The following DGKD variants were observed in gnomAD, a reference collection of about 807,000 sequenced individuals.
DGKD encodes the protein DAG kinase delta.
In DGKD, 68 loss-of-function variants were observed where a neutral mutation model predicts 154.4. The ratio of observed to expected loss-of-function variants is 0.44; its 90% CI spans 0.36 to 0.54. DGKD has a LOEUF of 0.54. Ranked by LOEUF, DGKD falls within the 20% of genes least tolerant of loss-of-function variation. DGKD has a pLI of 0.00. For synonymous variants in DGKD, 693 were observed against 638.0 expected, an observed-to-expected ratio of 1.09 and a Z score of -1.30; for missense variants, 1,343 against 1,593.6, an observed-to-expected ratio of 0.84 and a Z score of 2.68.
Position 233,445,815 on chromosome 2 carries a change from C to T in DGKD, c.1334+53C>T. On this transcript the variant is annotated intron_variant, in intron 11 of 29. Transcript: ENST00000264057. This position sits in a 1 kb window ranked among gnomAD's most constrained non-coding sequence, Gnocchi z 5.5. ...ATGAGGAGACTTTGAGAGACAGGTC[C>T]CTTTGACCAGGTGTTCTTAACCTGG... The T allele has an allele frequency of 6.6e-7, 1 of 1,525,168 alleles. No homozygotes were observed. The highest frequency in any genetic ancestry group is 8.8e-7 in the Non-Finnish European group (1 of 1,133,050). 94.5% of individuals were successfully genotyped at this position (1,525,168 alleles called of 1,614,324 possible).
At chr2:233,370,587 T>TTTTTTGTTG (rs1277101505) in intron 1 of DGKD, among the ~76,000 whole-genome samples, 1 of 150,868 alleles carries the variant, frequency 6.6e-6, no homozygotes, top group African/African-American at 2.4e-5. Context: ...TTTTTTTTTT[T>TTTTTTGTTG]TTGTTTGAGT....
Position 233,449,031 on chromosome 2 carries a change from G to T in DGKD, c.1615-72G>T, listed in dbSNP as rs556568874. ...AGTTCTAGGAAGTCTGGGTGAAATG[G>T]CCTGAGGTTCCCTGCCTGCAGACCC... On this transcript the variant is annotated intron_variant, in intron 14 of 29. Transcript: ENST00000264057. This position sits in a 1 kb window ranked among gnomAD's most constrained non-coding sequence, Gnocchi z 5.3. The T allele has an allele frequency of 3.3e-6, 5 of 1,501,028 alleles. No homozygotes were observed. The highest frequency in any genetic ancestry group is 3.6e-6 in the Non-Finnish European group (4 of 1,122,666). The allele number at this position is 1,501,028 out of a possible 1,614,324, so 93.0% of individuals were successfully genotyped here.
chr2:233,445,891 G>A lies in DGKD; in HGVS notation c.1334+129G>A. ...GAAATTATTTGTAAAGATTTGACCT[G>A]AGTATATATTCGGATAGTCTTTGAT... On this transcript the variant is annotated intron_variant, in intron 11 of 29. Coordinates refer to ENST00000264057, the MANE Select transcript of DGKD (RefSeq NM_152879.3). The surrounding 1 kb of genome is among the most constrained non-coding windows in gnomAD (Gnocchi z 5.5). The A allele has an allele frequency of 8.3e-7, 1 of 1,198,546 alleles. No individual in the cohort carries two copies. The highest frequency in any genetic ancestry group is 1.1e-6 in the Non-Finnish European group (1 of 888,190). The allele number at this position is 1,198,546 out of a possible 1,614,324, so 74.2% of individuals were successfully genotyped here.
chr2:233,460,486 A>T, intron 24 of DGKD, 141 bp downstream of exon 24: 1 of 1,100,466 alleles, frequency 9.1e-7, no homozygotes, highest in Non-Finnish European at 1.3e-6. Flanking sequence ...GAGCCTGTTT[A>T]TGTGCCCTCA....
chr2:233,449,140 A>G lies in DGKD; in HGVS notation c.1652A>G (p.Lys551Arg). ...VLKEKLDSLL[K>R]TLDDESQASS... is the part of the protein sequence containing the mutation. ...AAAGAGAAGCTGGATTCCCTTCTCA[A>G]GACCTTGGACGATGAGTCCCAGGCC... The change falls in exon 15 of 30, where the codon AAG becomes AGG. Residue 551 changes from lysine to arginine, a missense_variant. Physicochemically the swap from Lys to Arg is conservative, Grantham distance 26. Coordinates refer to ENST00000264057, the MANE Select transcript of DGKD (RefSeq NM_152879.3). This position sits in a 1 kb window ranked among gnomAD's most constrained non-coding sequence, Gnocchi z 5.3. 1.2e-6 allele frequency: 2 copies of G among 1,606,540 alleles called. No homozygotes were observed. The highest frequency in any genetic ancestry group is 2.2e-5 in the East Asian group (1 of 44,636).
intron 14 of DGKD, 77 bp downstream of exon 14, chr2:233,448,452 C>T (rs1268420930): frequency 7.5e-7 from 1 of 1,324,598 alleles, no homozygotes; most frequent in Non-Finnish European, 1.1e-6. Context: ...AGGGCCGTGA[C>T]TGCAGGTTGT....
chr2:233,436,512 G>T, intron 7 of DGKD, 71 bp downstream of exon 7: 1 of 1,547,772 alleles, frequency 6.5e-7, no homozygotes, highest in Non-Finnish European at 8.7e-7. Context: ...GGGCCTTGCG[G>T]CTCCGCATGA....
rs899224064 is a variant in DGKD, at chr2:233,452,080, C to T, written c.2264+20C>T. 10 of 1,598,912 alleles carry T rather than the reference C, an allele frequency of 6.3e-6. No homozygotes were observed. The highest frequency in any genetic ancestry group is 7.7e-6 in the Non-Finnish European group (9 of 1,166,418). ...AACCCTGTGAGTATGAGGGATAAAC[C>T]GAGTGGGCATATTGTTACATGGCTG... On this transcript the variant is annotated intron_variant, in intron 18 of 29. Coordinates refer to ENST00000264057, the MANE Select transcript of DGKD (RefSeq NM_152879.3). This position sits in a 1 kb window ranked among gnomAD's most constrained non-coding sequence, Gnocchi z 4.0.
intron 1 of DGKD, among the ~76,000 whole-genome samples, chr2:233,382,024 A>G (rs1702930818): frequency 6.6e-6 from 1 of 152,230 alleles, no homozygotes; most frequent in South Asian, 2.1e-4. Flanking sequence ...ACCCAAAGTC[A>G]GGAGTTCGAG....
At position 233,470,917 on chromosome 2, in the gene DGKD, A is replaced by T. The variant is rs563744326; in HGVS notation, c.*1457A>T. ...TCTGCCGGCGCTGTCCAGGTCCTTT[A>T]GTCAGCGTCACTCCATCTGATGTGC... is the stretch of plus-strand genomic sequence containing the variant. On this transcript the variant is annotated 3_prime_UTR_variant, in exon 30 of 30. Transcript: ENST00000264057. The T allele has an allele frequency of 6.6e-6, 1 of 152,302 alleles. No homozygotes were observed. Among genetic ancestry groups the T allele is most frequent in the Non-Finnish European group, 1.5e-5 (1 of 68,106 alleles). The allele number at this position is 152,302 out of a possible 1,614,324, so 9.4% of individuals were successfully genotyped here.
At position 233,438,742 on chromosome 2, in the gene DGKD, TCTGTCTATCTATCATCTATCTATCTATC is replaced by T. The variant is rs1559549489; in HGVS notation, c.1085+364_1085+391del. Among the ~76,000 whole-genome samples, 13 of 137,492 alleles carry T rather than the reference TCTGTCTATCTATCATCTATCTATCTATC, an allele frequency of 9.5e-5. No individual in the cohort carries two copies. Among genetic ancestry groups the T allele is most frequent in the African/African-American group, 2.7e-4 (10 of 37,590 alleles). 90.2% of individuals were successfully genotyped at this position (137,492 alleles called of 152,430 possible). A position where few individuals can be genotyped will look rare whatever the true frequency, so the allele number is the denominator to read the frequency against. ...CTTTCATTTTATAATTTTTTATTTA[TCTGTCTATCTATCATCTATCTATCTATC>T]TATCTATCTATCTATCTATCTATCT... On this transcript the variant is annotated intron_variant, in intron 9 of 29. Coordinates refer to ENST00000264057, the MANE Select transcript of DGKD (RefSeq NM_152879.3). This position sits in a 1 kb window ranked among gnomAD's most constrained non-coding sequence, Gnocchi z 4.1.
At chr2:233,357,612 C>T (rs1210291060) in intron 1 of DGKD, among the ~76,000 whole-genome samples, 1 of 150,350 alleles carries the variant, frequency 6.7e-6, no homozygotes, top group East Asian at 2.0e-4. Context: ...ATCTCAGCTA[C>T]GGCAACCTTT....
chr2:233,434,068 C>T (rs927290517), intron 3 of DGKD, among the ~76,000 whole-genome samples: 6 of 152,204 alleles, frequency 3.9e-5, no homozygotes, highest in African/African-American at 1.4e-4. Flanking sequence ...CGGAAAACAA[C>T]AGTTGTTACT....
Position 233,445,338 on chromosome 2 carries a change from C to T in DGKD, c.1195-285C>T, listed in dbSNP as rs2063030471. Among the ~76,000 whole-genome samples the T allele has an allele frequency of 6.6e-6, 1 of 151,924 alleles. No homozygotes were observed. The highest frequency in any genetic ancestry group is 6.6e-5 in the Admixed American group (1 of 15,250). ...ATCAGAGAGGGTGTGAGGGGCTGAC[C>T]ATCAAGATGTGATGACAGCTGAGAG... On this transcript the variant is annotated intron_variant, in intron 10 of 29. Coordinates refer to ENST00000264057, the MANE Select transcript of DGKD (RefSeq NM_152879.3). The surrounding 1 kb of genome is among the most constrained non-coding windows in gnomAD (Gnocchi z 5.5).
intron 3 of DGKD, among the ~76,000 whole-genome samples, chr2:233,424,923 T>G (rs1343988059): frequency 6.6e-6 from 1 of 152,212 alleles, no homozygotes; most frequent in Non-Finnish European, 1.5e-5. Flanking sequence ...CACGTCTGCA[T>G]GTCTCCAGTA....
chr2:233,459,752 C>T lies in DGKD; in HGVS notation c.2695-5C>T. Reference sequence around the variant, plus strand: ...GCATGAGTAATGGCTATGATGTCTGCTCAGTGTCGCACGGTGAAGATCTCC... The same window carrying T: ...GCATGAGTAATGGCTATGATGTCTGTTCAGTGTCGCACGGTGAAGATCTCC... On this transcript the variant is annotated splice_region_variant and splice_polypyrimidine_tract_variant and intron_variant, in intron 22 of 29. Coordinates refer to ENST00000264057, the MANE Select transcript of DGKD (RefSeq NM_152879.3). The surrounding 1 kb of genome is among the most constrained non-coding windows in gnomAD (Gnocchi z 5.7). The T allele has an allele frequency of 3.7e-6, 6 of 1,613,294 alleles. No homozygotes were observed. Among genetic ancestry groups the T allele is most frequent in the Non-Finnish European group, 5.1e-6 (6 of 1,179,638 alleles).
intron 29 of DGKD, among the ~76,000 whole-genome samples, chr2:233,468,925 G>T (rs1475011106): frequency 6.6e-6 from 1 of 152,256 alleles, no homozygotes; most frequent in Admixed American, 6.5e-5. Context: ...ATTGGGAGGG[G>T]TGGTTGGGTG....
chr2:233,445,889 C>T lies in DGKD; in HGVS notation c.1334+127C>T. 1 of 1,226,850 alleles carries T rather than the reference C, an allele frequency of 8.2e-7. No homozygotes were observed. Among genetic ancestry groups the T allele is most frequent in the Non-Finnish European group, 1.1e-6 (1 of 909,840 alleles). The allele number at this position is 1,226,850 out of a possible 1,614,324, so 76.0% of individuals were successfully genotyped here. A position where few individuals can be genotyped will look rare whatever the true frequency, so the allele number is the denominator to read the frequency against. The stretch of plus-strand genomic sequence containing the variant: ...CTGAAATTATTTGTAAAGATTTGAC[C>T]TGAGTATATATTCGGATAGTCTTTG... On this transcript the variant is annotated intron_variant, in intron 11 of 29. Coordinates refer to ENST00000264057, the MANE Select transcript of DGKD (RefSeq NM_152879.3). This position sits in a 1 kb window ranked among gnomAD's most constrained non-coding sequence, Gnocchi z 5.5.
Position 233,459,858 on chromosome 2 carries a change from C to T in DGKD, c.2796C>T (p.His932=). 1.2e-6 allele frequency: 2 copies of T among 1,614,038 alleles called. No homozygotes were observed. The highest frequency in any genetic ancestry group is 8.5e-7 in the Non-Finnish European group (1 of 1,179,958). ...VQPPGYIRIV[H]KNRAQTLTRD... is the part of the protein sequence containing the mutation. ...CGCCAGGGTACATTCGGATTGTCCA[C>T]AAGAACCGGGCACAGACACTGACCA... Residue 932 remains histidine, a synonymous_variant, in exon 23 of 30, where the codon CAC becomes CAT. Coordinates refer to ENST00000264057, the MANE Select transcript of DGKD (RefSeq NM_152879.3). This position sits in a 1 kb window ranked among gnomAD's most constrained non-coding sequence, Gnocchi z 5.7.
Sources: allele counts gnomAD v4.1 joint callset (sites outside exome capture counted in the v4.1 genomes callset), GRCh38; gene constraint gnomAD v4.1.1; non-coding constraint Gnocchi (gnomAD v3.1); transcripts MANE v1.5; gene names NCBI Gene and HGNC (gene_info 2026-07-23, HGNC 2026-07-21).